HAS1: variants seen among roughly 807,000 people sequenced by gnomAD.
HAS1 encodes the protein HA synthase 1.
In HAS1, 27 loss-of-function variants were observed where a neutral mutation model predicts 35.0. That is an observed-to-expected ratio of 0.77 (90% confidence interval 0.57 to 1.06). The LOEUF (loss-of-function observed/expected upper bound fraction) is 1.06, where lower values mean the gene tolerates loss of function less well. Among genes scored for constraint, HAS1 ranks in the 50% least tolerant of loss-of-function variants. HAS1 has a pLI of 0.00. For missense variants in HAS1, 940 were observed against 814.8 expected, an observed-to-expected ratio of 1.15 and a Z score of -1.87; for synonymous variants, 409 against 371.2, an observed-to-expected ratio of 1.10 and a Z score of -1.17.
intron 4 of HAS1, among the ~76,000 whole-genome samples, chr19:51,714,523 T>C (rs1439990653): frequency 2.3e-5 from 2 of 85,848 alleles, no homozygotes; most frequent in African/African-American, 9.3e-5. Flanking sequence ...ACCCCATCTC[T>C]AAAAAAAAAA....
intron 2 of HAS1, among the ~76,000 whole-genome samples, chr19:51,718,457 A>T (rs1222171100): frequency 6.6e-6 from 1 of 152,226 alleles, no homozygotes; most frequent in East Asian, 1.9e-4. Flanking sequence ...AATGATCTCC[A>T]TATTGGATGG....
At chr19:51,723,660 T>C (rs983791799) in intron 1 of HAS1, among the ~76,000 whole-genome samples, 1 of 152,036 alleles carries the variant, frequency 6.6e-6, no homozygotes, top group Non-Finnish European at 1.5e-5. Flanking sequence ...GATACGCAGA[T>C]ACAGAAATAC....
rs774482589 is a variant in HAS1, at chr19:51,716,369, G to C, written c.945C>G (p.Leu315=). Residue 315 remains leucine, a synonymous_variant, in exon 4 of 5, where the codon CTC becomes CTG. Coordinates refer to ENST00000540069, the MANE Select transcript of HAS1 (RefSeq NM_001297436.2). ...ACCAGGCCTCAAGAAACTGCTGCAA[G>C]AGGTTATTCCTATATAGGCCTGGGT... The part of the protein sequence containing the change: ...SGPLGLYRNN[L]LQQFLEAWYN... The C allele has an allele frequency of 8.1e-6, 13 of 1,613,622 alleles. No individual in the cohort carries two copies. Among genetic ancestry groups the C allele is most frequent in the Non-Finnish European group, 1.1e-5 (13 of 1,179,800 alleles).
chr19:51,714,632 A>G (rs1349692042), intron 4 of HAS1, among the ~76,000 whole-genome samples: 1 of 142,030 alleles, frequency 7.0e-6, no homozygotes, highest in Non-Finnish European at 1.5e-5. Context: ...TTGAGGCTGC[A>G]GTGAGCCATG....
At position 51,719,832 on chromosome 19, in the gene HAS1, T is replaced by TG; in HGVS notation, c.72dup (p.Ile25HisfsTer129). 2 of 1,553,320 alleles carry TG rather than the reference T, an allele frequency of 1.3e-6. No individual in the cohort carries two copies. The highest frequency in any genetic ancestry group is 1.7e-6 in the Non-Finnish European group (2 of 1,152,554). ...CCCAGGATGAGCAGGGCGAAGGCGATGGTCAGCACCCTCCGGGCCAGGCCG... is the reference window on the plus strand; with the variant it reads ...CCCAGGATGAGCAGGGCGAAGGCGATGGGTCAGCACCCTCCGGGCCAGGCCG... On this transcript the variant is annotated frameshift_variant, in exon 2 of 5. Coordinates refer to ENST00000540069, the MANE Select transcript of HAS1 (RefSeq NM_001297436.2). LOFTEE classifies it high-confidence loss of function.
Position 51,719,523 on chromosome 19 carries a change from G to A in HAS1, c.382C>T (p.Arg128Cys). 6.5e-7 allele frequency: 1 copy of A among 1,548,890 alleles called. No individual in the cohort carries two copies. The highest frequency in any genetic ancestry group is 8.7e-7 in the Non-Finnish European group (1 of 1,146,120). ...TTGCCATCCACCACCATGAGGACGC[G>A]CAGCCGCGCGCGCGGGTACAGCAGG... ...RALLYPRARL[R>C]VLMVVDGNRA... Residue 128 changes from arginine (R) to cysteine (C), a missense_variant, in exon 2 of 5, where the codon CGC (arginine) becomes TGC (cysteine). Coordinates refer to ENST00000540069, the MANE Select transcript of HAS1 (RefSeq NM_001297436.2).
At chr19:51,721,190 G>T (rs1375304148) in intron 1 of HAS1, among the ~76,000 whole-genome samples, 1 of 152,094 alleles carries the variant, frequency 6.6e-6, no homozygotes, top group African/African-American at 2.4e-5. Flanking sequence ...CTAGCCCTCG[G>T]GAGAGCCCTG....
intron 1 of HAS1, 121 bp downstream of exon 1, chr19:51,723,804 A>G (rs1417662268): frequency 3.4e-5 from 32 of 953,942 alleles, no homozygotes; most frequent in Non-Finnish European, 5.0e-5. Context: ...GCACATGGAT[A>G]CACACATGAA....
At position 51,713,251 on chromosome 19, in the gene HAS1, C is replaced by G. The variant is rs555398611; in HGVS notation, c.*176G>C. 205 of 541,714 alleles carry G rather than the reference C, an allele frequency of 3.8e-4. 3 individuals carry two copies. The South Asian group carries it at 7.9e-3, about 21-fold the overall frequency. The allele number at this position is 541,714 out of a possible 1,614,324, so 33.6% of individuals were successfully genotyped here. ...CCAATAAATACCCTCCCTGGAGACC[C>G]AGAAGTCCCAGTCCCAATATAGTCC... On this transcript the variant is annotated 3_prime_UTR_variant, in exon 5 of 5. Coordinates refer to ENST00000540069, the MANE Select transcript of HAS1 (RefSeq NM_001297436.2). The surrounding 1 kb of genome is among the most constrained non-coding windows in gnomAD (Gnocchi z 4.5).
rs1402243444 is a variant in HAS1, at chr19:51,714,113, G to A, written c.1059-11C>T. On this transcript the variant is annotated splice_polypyrimidine_tract_variant and intron_variant, in intron 4 of 4. Transcript: ENST00000540069. ...GACCTGGAGGTGTACCTGCACGGGG[G>A]CGAGGAATGAGGGCATCATCGCGTG... 1 of 1,608,174 alleles carries A rather than the reference G, an allele frequency of 6.2e-7. No homozygotes were observed. The highest frequency in any genetic ancestry group is 8.5e-7 in the Non-Finnish European group (1 of 1,177,566).
At position 51,719,691 on chromosome 19, in the gene HAS1, A is replaced by C; in HGVS notation, c.214T>G (p.Phe72Val). 6.4e-7 allele frequency: 1 copy of C among 1,560,428 alleles called. No individual in the cohort carries two copies. The highest frequency in any genetic ancestry group is 8.6e-7 in the Non-Finnish European group (1 of 1,157,990). Residue 72 changes from phenylalanine (F) to valine (V), a missense_variant, in exon 2 of 5, where the codon TTC becomes GTC. Coordinates refer to ENST00000540069, the MANE Select transcript of HAS1 (RefSeq NM_001297436.2). ...ACCCGCCGGTGCTCCAGGTACGCGA[A>C]GAGGCTCTGCGCCACCAGGTGCGCT... is the stretch of plus-strand genomic sequence containing the variant. ...LSAHLVAQSL[F>V]AYLEHRRVAA...
Position 51,713,826 on chromosome 19 carries a change from C to T in HAS1, c.1335G>A (p.Ala445=), listed in dbSNP as rs746209555. Residue 445 remains alanine, a synonymous_variant, in exon 5 of 5, where the codon GCG becomes GCA. Coordinates refer to ENST00000540069, the MANE Select transcript of HAS1 (RefSeq NM_001297436.2). The surrounding 1 kb of genome is among the most constrained non-coding windows in gnomAD (Gnocchi z 4.5). The part of the protein sequence containing the change: ...LCVQGVALAK[A]AFAAWLRGCL... ...AGCCCCGCAGCCAGGCCGCGAAGGC[C>T]GCCTTGGCCAGTGCCACGCCCTGCA... The T allele has an allele frequency of 1.2e-6, 2 of 1,606,806 alleles. No individual in the cohort carries two copies. The highest frequency in any genetic ancestry group is 1.7e-5 in the Admixed American group (1 of 59,630).
chr19:51,714,031 C>A lies in HAS1; in HGVS notation c.1130G>T (p.Arg377Leu). The A allele has an allele frequency of 1.2e-6, 2 of 1,613,880 alleles. No homozygotes were observed. The highest frequency in any genetic ancestry group is 1.7e-6 in the Non-Finnish European group (2 of 1,179,938). Residue 377 changes from arginine to leucine, a missense_variant, in exon 5 of 5, where the codon CGC becomes CTC. Coordinates refer to ENST00000540069, the MANE Select transcript of HAS1 (RefSeq NM_001297436.2). Reference sequence around the variant, plus strand: ...CTCACGGAAGTACGACTTGGACCAGCGTGTCTGCTGGCTCAGCCACCGCAG... The same window carrying A: ...CTCACGGAAGTACGACTTGGACCAGAGTGTCTGCTGGCTCAGCCACCGCAG... Reference protein sequence around the residue: ...SFLRWLSQQTRWSKSYFREWL... With the variant: ...SFLRWLSQQTLWSKSYFREWL...
Position 51,714,079 on chromosome 19 carries a change from T to G in HAS1, c.1082A>C (p.Tyr361Ser), listed in dbSNP as rs1414043971. ...CAGGAAGGACGAGGGCGTCTCTGAG[T>G]AGCAGCGGGACCTGGAGGTGTACCT... ...ATKYTSRSRC[Y>S]SETPSSFLRW... Residue 361 changes from tyrosine (Y) to serine (S), a missense_variant, in exon 5 of 5, where the codon TAC becomes TCC. Tyr to Ser is a moderately radical substitution (Grantham distance 144, BLOSUM62 -2). Transcript: ENST00000540069. The G allele has an allele frequency of 2.5e-6, 4 of 1,612,968 alleles. No individual in the cohort carries two copies. The highest frequency in any genetic ancestry group is 3.4e-6 in the Non-Finnish European group (4 of 1,179,614).
Position 51,713,438 on chromosome 19 carries a change from C to G in HAS1, c.1723G>C (p.Val575Leu). ...CCGCGTGGCTGGACTCACACCTGGA[C>G]GCGGTAGCCCCCGGTCCGCCGCCGG... is the stretch of plus-strand genomic sequence containing the variant. ...LCRRRTGGYR[V>L]QV The change falls in exon 5 of 5, where the codon GTC becomes CTC. Residue 575 changes from valine to leucine, a missense_variant. Val to Leu is a conservative substitution (Grantham distance 32, BLOSUM62 1). Transcript: ENST00000540069. The surrounding 1 kb of genome is among the most constrained non-coding windows in gnomAD (Gnocchi z 4.5). 1 of 1,529,362 alleles carries G rather than the reference C, an allele frequency of 6.5e-7. No homozygotes were observed. Among genetic ancestry groups the G allele is most frequent in the Non-Finnish European group, 8.8e-7 (1 of 1,136,672 alleles). 94.7% of individuals were successfully genotyped at this position (1,529,362 alleles called of 1,614,324 possible).
At chr19:51,720,087 T>TCTCTCG (rs2083620323) in intron 1 of HAS1, 192 bp from the exon 2 acceptor site, 6 of 540,994 alleles carry the variant, frequency 1.1e-5, no homozygotes, top group Non-Finnish European at 9.7e-6. Context: ...TCTCTCTCTC[T>TCTCTCG]CTCTCGCTCT....
chr19:51,721,176 AC>A (rs113594970), intron 1 of HAS1, among the ~76,000 whole-genome samples: 3,263 of 152,130 alleles, frequency 0.021, 119 homozygotes, highest in African/African-American at 0.072. Flanking sequence ...GAATCTCTAA[AC>A]CTCTAGCCCT....
At chr19:51,718,249 A>G (rs2083599667) in intron 2 of HAS1, among the ~76,000 whole-genome samples, 1 of 149,792 alleles carries the variant, frequency 6.7e-6, no homozygotes, top group South Asian at 2.1e-4. Flanking sequence ...AAAAAAAAAA[A>G]GATTGCTACA....
In HAS1 at chr19:51,716,381, A is replaced by T; in HGVS notation, c.933T>A (p.Tyr311Ter). The change falls in exon 4 of 5, where the codon TAT becomes TAA. Residue 311 changes from tyrosine to a stop codon, truncating the protein, a stop_gained. Coordinates refer to ENST00000540069, the MANE Select transcript of HAS1 (RefSeq NM_001297436.2). LOFTEE classifies it high-confidence loss of function. The stretch of plus-strand genomic sequence containing the variant: ...GAAACTGCTGCAAGAGGTTATTCCT[A>T]TATAGGCCTGGGTGGAGGGGAGGTG... ...VSCISGPLGL[Y>*]RNNLLQQFLE... The T allele has an allele frequency of 1.2e-6, 2 of 1,612,396 alleles. No individual in the cohort carries two copies. Among genetic ancestry groups the T allele is most frequent in the Non-Finnish European group, 1.7e-6 (2 of 1,179,280 alleles).
Sources: gnomAD v4.1 joint callset for allele counts (sites outside exome capture counted in the v4.1 genomes callset) on GRCh38, gnomAD v4.1.1 for gene constraint, Gnocchi (gnomAD v3.1) non-coding constraint, MANE v1.5 for transcripts, NCBI Gene and HGNC (gene_info 2026-07-23, HGNC 2026-07-21) for gene names.